Variants in B4GALT1 observed in about 807,000 individuals in gnomAD.
The protein encoded by B4GALT1 is beta-1,4-galactosyltransferase 1, also known as N-acetyllactosamine synthase.
In B4GALT1, 16 loss-of-function variants were observed where a neutral mutation model predicts 34.9. The observed-to-expected ratio is 0.46, with a 90% confidence interval of 0.31 to 0.70. The LOEUF is 0.70. Ranked by LOEUF, B4GALT1 falls within the 30% of genes least tolerant of loss-of-function variation. B4GALT1 has a pLI of 0.05. For missense variants in B4GALT1, 445 were observed against 530.5 expected, an observed-to-expected ratio of 0.84 and a Z score of 1.58; for synonymous variants, 221 against 218.1, an observed-to-expected ratio of 1.01 and a Z score of -0.12.
intron 2 of B4GALT1, among the ~76,000 whole-genome samples, chr9:33,128,777 G>A (rs1456148665): frequency 6.6e-6 from 1 of 152,202 alleles, no homozygotes; most frequent in East Asian, 1.9e-4. Context: ...AAACCAATGA[G>A]GCCATAAGCC....
chr9:33,154,258 A>G (rs909340539), intron 1 of B4GALT1, among the ~76,000 whole-genome samples: 1 of 152,228 alleles, frequency 6.6e-6, no homozygotes, highest in Non-Finnish European at 1.5e-5. Flanking sequence ...TGATCATCTC[A>G]ACAGACACAG....
rs1378609576 is a variant in B4GALT1, at chr9:33,135,329, T to C, written c.508A>G (p.Arg170Gly). The change falls in exon 2 of 6, where the codon AGG becomes GGG. Residue 170 changes from arginine (R) to glycine (G), a missense_variant. Physicochemically the swap from Arg to Gly is moderately radical, Grantham distance 125. Coordinates refer to ENST00000379731, the MANE Select transcript of B4GALT1 (RefSeq NM_001497.4). ...NVKMGGRYAP[R>G]DCVSPHKVAI... ...ACCTTGTGAGGAGAGACGCAGTCCC[T>C]GGGGGCATAGCGGCCGCCCATCTTC... The C allele has an allele frequency of 9.3e-6, 15 of 1,614,076 alleles. No individual in the cohort carries two copies. Among genetic ancestry groups the C allele is most frequent in the African/African-American group, 1.3e-5 (1 of 74,916 alleles).
intron 1 of B4GALT1, among the ~76,000 whole-genome samples, chr9:33,138,118 G>A (rs983490987): frequency 8.5e-5 from 13 of 152,212 alleles, no homozygotes; most frequent in Non-Finnish European, 1.8e-4. Context: ...GAATTCACAT[G>A]TGGCCTGGCT....
At chr9:33,114,053 C>T (rs553431372) in intron 4 of B4GALT1, among the ~76,000 whole-genome samples, 175 bp from the exon 5 acceptor site, 4 of 152,300 alleles carry the variant, frequency 2.6e-5, no homozygotes, top group South Asian at 4.1e-4. Context: ...ACTCACATTC[C>T]GACTCCATGT....
At chr9:33,179,253 T>G in the B4GALT1 span, 1 of 152,254 alleles carries the variant, frequency 6.6e-6, no homozygotes, top group African/African-American at 2.4e-5. Flanking sequence ...TTTCTGGAGC[T>G]AGAATGGTGG....
At chr9:33,146,408 A>C (rs1840426195) in intron 1 of B4GALT1, among the ~76,000 whole-genome samples, 1 of 152,228 alleles carries the variant, frequency 6.6e-6, no homozygotes, top group Non-Finnish European at 1.5e-5. Flanking sequence ...AAAGGTTTAG[A>C]ATGGTCTAGG....
intron 1 of B4GALT1, among the ~76,000 whole-genome samples, chr9:33,143,913 T>C (rs1000833641): frequency 6.6e-6 from 1 of 151,794 alleles, no homozygotes; most frequent in Non-Finnish European, 1.5e-5. Context: ...GGTCTTGCTC[T>C]GTAGCCCAGG....
intron 2 of B4GALT1, among the ~76,000 whole-genome samples, chr9:33,129,555 G>A (rs897516755): frequency 9.9e-5 from 15 of 152,210 alleles, no homozygotes; most frequent in Admixed American, 9.2e-4. Context: ...GAGAAGCCCC[G>A]TGCTCCACTC....
At chr9:33,121,174 T>A (rs575946870) in intron 2 of B4GALT1, among the ~76,000 whole-genome samples, 62 of 152,250 alleles carry the variant, frequency 4.1e-4, no homozygotes, top group African/African-American at 1.4e-3. Context: ...CCTAGGCACC[T>A]GAGAAATACA....
intron 2 of B4GALT1, among the ~76,000 whole-genome samples, chr9:33,127,762 AAAG>A (rs1840134159): frequency 6.6e-6 from 1 of 152,252 alleles, no homozygotes; most frequent in African/African-American, 2.4e-5. Flanking sequence ...TGCTGATGAT[AAAG>A]AATTTAAGGA....
At chr9:33,156,553 G>A (rs948285266) in intron 1 of B4GALT1, among the ~76,000 whole-genome samples, 2 of 152,212 alleles carry the variant, frequency 1.3e-5, no homozygotes, top group Non-Finnish European at 2.9e-5. Context: ...CATGGTGGAT[G>A]ACTACAAGGA....
the B4GALT1 span, among the ~76,000 whole-genome samples, chr9:33,182,612 T>C: frequency 3.3e-4 from 50 of 152,326 alleles, 1 homozygote; most frequent in East Asian, 8.5e-3. Flanking sequence ...GGAAACTGAT[T>C]ACCACTCCTC....
At chr9:33,167,401 G>C, upstream of B4GALT1, 1 of 414,756 alleles carries the variant, frequency 2.4e-6, no homozygotes, top group Non-Finnish European at 4.0e-6. Context: ...AGGCGGGGGC[G>C]GGGCCGGGCG....
At chr9:33,160,249 T>C (rs1587751182) in intron 1 of B4GALT1, among the ~76,000 whole-genome samples, 1 of 121,336 alleles carries the variant, frequency 8.2e-6, no homozygotes, top group Non-Finnish European at 1.8e-5. Context: ...CAAGCATCAC[T>C]ACATCACTAA....
In B4GALT1 at chr9:33,111,211, A is replaced by G. The variant is rs1310110319; in HGVS notation, c.*2243T>C. The G allele has an allele frequency of 3.1e-5, 4 of 129,774 alleles. No homozygotes were observed. Among genetic ancestry groups the G allele is most frequent in the African/African-American group, 1.1e-4 (4 of 36,896 alleles). The allele number at this position is 129,774 out of a possible 1,614,324, so 8.0% of individuals were successfully genotyped here. A position where few individuals can be genotyped will look rare whatever the true frequency, so the allele number is the denominator to read the frequency against. On this transcript the variant is annotated 3_prime_UTR_variant, in exon 6 of 6. Transcript: ENST00000379731. ...GGGGAGCAGTATTTCCCTTGGTTCT[A>G]AGAATGAACCACATACTTGACATGA...
intron 2 of B4GALT1, among the ~76,000 whole-genome samples, chr9:33,132,443 G>C (rs1564043245): frequency 6.6e-6 from 1 of 152,226 alleles, no homozygotes; most frequent in Non-Finnish European, 1.5e-5. Context: ...GGCTCTGCGG[G>C]AATGAGACCT....
chr9:33,166,864 T>C lies in B4GALT1; in HGVS notation c.306A>G (p.Pro102=). The change falls in exon 1 of 6, where the codon CCA becomes CCG. Residue 102 remains proline (P), a synonymous_variant. Coordinates refer to ENST00000379731, the MANE Select transcript of B4GALT1 (RefSeq NM_001497.4). ...CGGGGCCAGGGCCAGAATCCACGAC[T>C]GGGCTGGAGTCGCCACCCGGGCGCG... ...SQPRPGGDSS[P]VVDSGPGPAS... 1.3e-6 allele frequency: 2 copies of C among 1,573,698 alleles called. No individual in the cohort carries two copies. The highest frequency in any genetic ancestry group is 2.3e-5 in the South Asian group (2 of 86,916).
intron 1 of B4GALT1, among the ~76,000 whole-genome samples, chr9:33,148,192 T>A (rs1840457085): frequency 6.6e-6 from 1 of 152,150 alleles, no homozygotes; most frequent in Admixed American, 6.5e-5. Flanking sequence ...CAAAGGATTA[T>A]AATGAATAAG....
At chr9:33,124,960 C>G (rs1270962232) in intron 2 of B4GALT1, among the ~76,000 whole-genome samples, 1 of 152,184 alleles carries the variant, frequency 6.6e-6, no homozygotes, top group African/African-American at 2.4e-5. Flanking sequence ...AGCCAGCATG[C>G]TGGGTGCAGG....
Sources: gnomAD v4.1 joint callset for allele counts (sites outside exome capture counted in the v4.1 genomes callset) on GRCh38, gnomAD v4.1.1 for gene constraint, MANE v1.5 for transcripts, NCBI Gene and HGNC (gene_info 2026-07-23, HGNC 2026-07-21) for gene names.